Variants in GGA2 observed in about 807,000 individuals in gnomAD.
GGA2 encodes the protein golgi associated, gamma adaptin ear containing, ARF binding protein 2.
GGA2 carries 48 observed loss-of-function variants against 79.5 expected under a neutral mutation model. The ratio of observed to expected loss-of-function variants is 0.60; its 90% CI spans 0.48 to 0.77. The LOEUF is 0.77. Ranked by LOEUF, GGA2 falls within the 30% of genes least tolerant of loss-of-function variation. The pLI, the probability that GGA2 is intolerant of heterozygous loss-of-function variation, is 0.00. For synonymous variants in GGA2, 317 were observed against 302.0 expected, an observed-to-expected ratio of 1.05 and a Z score of -0.51; for missense variants, 770 against 774.0, an observed-to-expected ratio of 0.99 and a Z score of 0.06.
At chr16:23,499,853 G>C (rs1164124020) in intron 1 of GGA2, among the ~76,000 whole-genome samples, 3 of 152,230 alleles carry the variant, frequency 2.0e-5, no homozygotes, top group Non-Finnish European at 2.9e-5. Context: ...AGCCAGCAAT[G>C]AATGAAAGGT....
chr16:23,494,357 T>A lies in GGA2; in HGVS notation c.198A>T (p.Leu66=), dbSNP rs773687384. ...DPNGPTHAPW[L]LAHKIQSPQE... ...GCGGAGACTGGATCTTGTGGGCCAG[T>A]AGCCAGGGCGCATGTGTGGGGCTAC... The change falls in exon 3 of 17, where the codon CTA becomes CTT. Residue 66 remains leucine (L), a synonymous_variant. Coordinates refer to ENST00000309859, the MANE Select transcript of GGA2 (RefSeq NM_015044.4). 1 of 1,612,770 alleles carries A rather than the reference T, an allele frequency of 6.2e-7. No individual in the cohort carries two copies. The highest frequency in any genetic ancestry group is 1.7e-5 in the Admixed American group (1 of 60,024).
chr16:23,521,810 A>G (rs1208412547), exon 1 of GGA2: 4 of 455,136 alleles, frequency 8.8e-6, no homozygotes, highest in Admixed American at 4.8e-5. Flanking sequence ...TGAGCCAAGA[A>G]GCTCCTTTTA....
rs1378526368 is a variant in GGA2 at position 23,510,413 on chromosome 16, G to A, written c.-2C>T. ...CGCCGCCACCGCGGTCGCCGCCATC[G>A]CTCCAGCCCCGACGCTGCGGCCGCG... On this transcript the variant is annotated 5_prime_UTR_variant, in exon 1 of 17. Coordinates refer to ENST00000309859, the MANE Select transcript of GGA2 (RefSeq NM_015044.4). The A allele has an allele frequency of 1.0e-5, 13 of 1,277,338 alleles. No individual in the cohort carries two copies. Among genetic ancestry groups the A allele is most frequent in the Non-Finnish European group, 1.3e-5 (13 of 991,144 alleles). 79.1% of individuals were successfully genotyped at this position (1,277,338 alleles called of 1,614,324 possible).
At chr16:23,508,788 T>C (rs1412078133) in intron 1 of GGA2, among the ~76,000 whole-genome samples, 1 of 152,092 alleles carries the variant, frequency 6.6e-6, no homozygotes, top group Non-Finnish European at 1.5e-5. Context: ...CTAGAGGGCA[T>C]CTCTTTTTTG....
At chr16:23,489,972 G>T (rs2142129912) in intron 5 of GGA2, among the ~76,000 whole-genome samples, 1 of 152,258 alleles carries the variant, frequency 6.6e-6, no homozygotes, top group East Asian at 1.9e-4. Flanking sequence ...ATCACAAACA[G>T]ATCCTACCAA....
At chr16:23,476,717 C>T (rs562782073) in intron 13 of GGA2, among the ~76,000 whole-genome samples, 203 of 152,236 alleles carry the variant, frequency 1.3e-3, no homozygotes, top group African/African-American at 4.6e-3. Flanking sequence ...AAAAAAGGAA[C>T]GTTCAACCTT....
intron 13 of GGA2, among the ~76,000 whole-genome samples, chr16:23,476,594 A>C (rs1386258454): frequency 6.6e-6 from 1 of 152,226 alleles, no homozygotes; most frequent in Non-Finnish European, 1.5e-5. Flanking sequence ...ACTGATATGA[A>C]ATGCATCACA....
At chr16:23,516,543 TAGTTGCCA>T (rs1965104626) in intron 2 of GGA2, among the ~76,000 whole-genome samples, 2 of 152,170 alleles carry the variant, frequency 1.3e-5, no homozygotes, top group Non-Finnish European at 2.9e-5. Context: ...CTCCTTGGCA[TAGTTGCCA>T]GAGTGACCTT....
At chr16:23,519,692 C>T in intron 1 of GGA2, 2 of 341,734 alleles carry the variant, frequency 5.9e-6, no homozygotes, top group Non-Finnish European at 1.2e-5. Flanking sequence ...ATGTTAGAAA[C>T]TGTGCCATCT....
chr16:23,519,698 C>A, intron 1 of GGA2: 1 of 325,596 alleles, frequency 3.1e-6, no homozygotes. Flanking sequence ...GAAACTGTGC[C>A]ATCTCAGAGG....
intron 5 of GGA2, among the ~76,000 whole-genome samples, chr16:23,490,765 A>T (rs1347808390): frequency 6.6e-6 from 1 of 152,142 alleles, no homozygotes; most frequent in East Asian, 1.9e-4. Context: ...AAGTAAATAA[A>T]AATAAATCCA....
intron 1 of GGA2, among the ~76,000 whole-genome samples, chr16:23,502,023 C>T (rs1350456115): frequency 1.3e-5 from 2 of 152,180 alleles, no homozygotes; most frequent in Non-Finnish European, 2.9e-5. Flanking sequence ...TCCACAGTCA[C>T]CCACAGTCCC....
intron 1 of GGA2, among the ~76,000 whole-genome samples, chr16:23,510,028 C>G (rs1399651118): frequency 7.0e-6 from 1 of 142,606 alleles, no homozygotes; most frequent in Non-Finnish European, 1.5e-5. Context: ...CAGGGGAAAG[C>G]GCAGGTCACG....
chr16:23,512,985 G>A (rs1209010713), upstream of GGA2, among the ~76,000 whole-genome samples: 5 of 152,048 alleles, frequency 3.3e-5, no homozygotes, highest in African/African-American at 4.8e-5. Flanking sequence ...AATTACAGGC[G>A]TGAACCACTG....
upstream of GGA2, among the ~76,000 whole-genome samples, chr16:23,514,808 T>C (rs1597000799): frequency 6.6e-6 from 1 of 152,122 alleles, no homozygotes; most frequent in South Asian, 2.1e-4. Context: ...ATGTAAGGTA[T>C]AGATGTCCCA....
chr16:23,493,351 G>C lies in GGA2; in HGVS notation c.351+9C>G. On this transcript the variant is annotated intron_variant, in intron 4 of 16. Transcript: ENST00000309859. ...GACACAGTCAGCAGAGCCAAGCCCA[G>C]GTACTCACCTTTGGGGACAACACTT... 1 of 1,526,962 alleles carries C rather than the reference G, an allele frequency of 6.5e-7. No individual in the cohort carries two copies. The highest frequency in any genetic ancestry group is 9.1e-7 in the Non-Finnish European group (1 of 1,100,160). The allele number at this position is 1,526,962 out of a possible 1,614,324, so 94.6% of individuals were successfully genotyped here.
rs1965026076 is a variant in GGA2, at chr16:23,510,372, C to G, written c.40G>C (p.Glu14Gln). ...GGGCCCGGGGGACCCTGGGCCGACTCGGTTCCCGCCACAGCCGCCGCCACC... is the reference window on the plus strand; with the variant it reads ...GGGCCCGGGGGACCCTGGGCCGACTGGGTTCCCGCCACAGCCGCCGCCACC... ...TAVAAAVAGT[E>Q]SAQGPPGPAA... is the part of the protein sequence containing the mutation. Residue 14 changes from glutamate (E) to glutamine (Q), a missense_variant, in exon 1 of 17, where the codon GAG becomes CAG. Physicochemically the swap from Glu to Gln is conservative, Grantham distance 29 (BLOSUM62 2). Coordinates refer to ENST00000309859, the MANE Select transcript of GGA2 (RefSeq NM_015044.4). The G allele has an allele frequency of 7.1e-7, 1 of 1,414,422 alleles. No homozygotes were observed. The allele number at this position is 1,414,422 out of a possible 1,614,324, so 87.6% of individuals were successfully genotyped here. A position where few individuals can be genotyped will look rare whatever the true frequency, so the allele number is the denominator to read the frequency against.
intron 2 of GGA2, among the ~76,000 whole-genome samples, chr16:23,516,239 T>C (rs1034134109): frequency 6.6e-6 from 1 of 152,102 alleles, no homozygotes; most frequent in Non-Finnish European, 1.5e-5. Context: ...CTCGAACTCC[T>C]GGGTTCAAGC....
At position 23,470,825 on chromosome 16, in the gene GGA2, C is replaced by CT. The variant is rs36067397; in HGVS notation, c.1451-661dup. On this transcript the variant is annotated intron_variant, in intron 14 of 16. Transcript: ENST00000309859. ...TTATCATTAAAAAATGAAATAAATG[C>CT]TTTTTTTTTTTTTTTTTTTTTTGGA... 7.6e-3 allele frequency among the ~76,000 whole-genome samples: 427 copies of CT among 56,136 alleles called. 5 individuals carry two copies. The highest frequency in any genetic ancestry group is 0.013 in the East Asian group (23 of 1,826). The allele number at this position is 56,136 out of a possible 152,430, so 36.8% of individuals were successfully genotyped here.
Sources: allele counts gnomAD v4.1 joint callset (sites outside exome capture counted in the v4.1 genomes callset), GRCh38; gene constraint gnomAD v4.1.1; transcripts MANE v1.5; gene names NCBI Gene and HGNC (gene_info 2026-07-23, HGNC 2026-07-21).